CCDC3: variants seen among roughly 807,000 people sequenced by gnomAD.
CCDC3 encodes coiled-coil domain containing 3.
CCDC3 carries 24 observed loss-of-function variants against 21.4 expected under a neutral mutation model. That is an observed-to-expected ratio of 1.12 (90% confidence interval 0.81 to 1.58). The LOEUF is 1.58. Among genes scored for constraint, CCDC3 ranks in the 40% most tolerant of loss-of-function variants. CCDC3 has a pLI of 0.00. For missense variants in CCDC3, 425 were observed against 360.9 expected (o/e 1.18, Z -1.44); for synonymous variants, 186 against 166.0 (o/e 1.12, Z -0.93).
chr10:13,007,336 T>C (rs764720893), intron 5 of CCDC3, among the ~76,000 whole-genome samples: 5 of 152,182 alleles, frequency 3.3e-5, no homozygotes, highest in Admixed American at 6.5e-5. Context: ...TCAGCCAGCA[T>C]GGAATTCCTT....
intron 2 of CCDC3, among the ~76,000 whole-genome samples, chr10:12,957,907 G>A (rs766261206): frequency 8.5e-5 from 13 of 152,122 alleles, no homozygotes; most frequent in South Asian, 6.2e-4. Context: ...GTGCAGTGGC[G>A]TGATCTTGGC....
intron 2 of CCDC3, among the ~76,000 whole-genome samples, chr10:12,927,131 G>A (rs1331129260): frequency 6.6e-6 from 1 of 152,156 alleles, no homozygotes; most frequent in Non-Finnish European, 1.5e-5. Context: ...TTTTTAAAAT[G>A]GAAATTTCCG....
At chr10:13,067,983 G>A (rs903063442) in intron 4 of CCDC3, among the ~76,000 whole-genome samples, 5 of 152,082 alleles carry the variant, frequency 3.3e-5, no homozygotes, top group Non-Finnish European at 4.4e-5. Flanking sequence ...TCAGTAGACT[G>A]AATTATTTTT....
chr10:13,029,656 G>A (rs997742952), intron 5 of CCDC3, among the ~76,000 whole-genome samples: 28 of 152,234 alleles, frequency 1.8e-4, no homozygotes, highest in Admixed American at 6.5e-4. Context: ...ATGACCTGAC[G>A]GAGCTGAAAA....
intron 5 of CCDC3, among the ~76,000 whole-genome samples, chr10:13,040,321 T>C (rs1313493877): frequency 6.6e-6 from 1 of 152,198 alleles, no homozygotes; most frequent in African/African-American, 2.4e-5. Context: ...GTTAACACGT[T>C]TGCCAGCCCA....
In CCDC3 at chr10:12,953,617, G is replaced by A. The variant is rs183351786; in HGVS notation, c.549+44721C>T. Among the ~76,000 whole-genome samples the A allele has an allele frequency of 6.7e-4, 102 of 152,344 alleles. 1 individual carries two copies. Among genetic ancestry groups the A allele is most frequent in the South Asian group, 2.5e-3 (12 of 4,820 alleles). On this transcript the variant is annotated intron_variant, in intron 2 of 2. Coordinates refer to ENST00000378825, the MANE Select transcript of CCDC3 (RefSeq NM_031455.4). ...ACATGGGCAGAGTTTTCTCTGCTGT[G>A]AGTCTTACTGCTGCCTTGCTGGGGG...
intron 2 of CCDC3, among the ~76,000 whole-genome samples, chr10:12,953,499 CAAAAGGA>C (rs1835039931): frequency 6.6e-6 from 1 of 152,202 alleles, no homozygotes. Flanking sequence ...CGATTAGAAG[CAAAAGGA>C]AAACAGAAGA....
At chr10:12,925,307 C>T (rs17593082) in intron 2 of CCDC3, among the ~76,000 whole-genome samples, 8,547 of 152,188 alleles carry the variant, frequency 0.056, 256 homozygotes, top group Non-Finnish European at 0.072. Flanking sequence ...TACTCTTGGC[C>T]TCTTTGGCTT....
At chr10:13,060,599 G>T (rs1836744735) in intron 4 of CCDC3, among the ~76,000 whole-genome samples, 1 of 152,090 alleles carries the variant, frequency 6.6e-6, no homozygotes, top group Non-Finnish European at 1.5e-5. Context: ...CAAACTCCTG[G>T]GCTCAAGCAA....
chr10:12,966,538 G>A (rs1292495818), intron 2 of CCDC3, among the ~76,000 whole-genome samples: 1 of 152,130 alleles, frequency 6.6e-6, no homozygotes, highest in Non-Finnish European at 1.5e-5. Context: ...GAGCCAGCTG[G>A]CCACAGGGAG....
chr10:13,011,516 C>T (rs537790451), intron 5 of CCDC3, among the ~76,000 whole-genome samples: 63 of 152,184 alleles, frequency 4.1e-4, no homozygotes, highest in Non-Finnish European at 8.4e-4. Flanking sequence ...AATTACAAAA[C>T]GGCTGCTCAA....
intron 2 of CCDC3, among the ~76,000 whole-genome samples, chr10:12,949,053 T>C (rs1367732735): frequency 1.3e-5 from 2 of 152,136 alleles, no homozygotes; most frequent in South Asian, 4.1e-4. Context: ...CATAATGTCC[T>C]CAGTAGCTGG....
intron 1 of CCDC3, 93 bp downstream of exon 1, chr10:13,001,104 G>A (rs1445090193): frequency 1.2e-5 from 18 of 1,449,652 alleles, no homozygotes; most frequent in Non-Finnish European, 1.6e-5. Flanking sequence ...CCGACAGGCT[G>A]CCCGGGGAGT....
chr10:13,080,925 G>A (rs935630928), intron 3 of CCDC3, among the ~76,000 whole-genome samples: 1 of 152,248 alleles, frequency 6.6e-6, no homozygotes. Flanking sequence ...AGGCCGAAAC[G>A]CACAGGGGTG....
chr10:12,899,408 G>C (rs1313757714), intron 2 of CCDC3, among the ~76,000 whole-genome samples: 1 of 152,064 alleles, frequency 6.6e-6, no homozygotes, highest in Non-Finnish European at 1.5e-5. Context: ...AGACCAATCT[G>C]GCTCTGTCAA....
At chr10:12,989,336 C>G (rs1356694032) in intron 2 of CCDC3, among the ~76,000 whole-genome samples, 1 of 152,252 alleles carries the variant, frequency 6.6e-6, no homozygotes, top group Non-Finnish European at 1.5e-5. Context: ...CCACCACTGA[C>G]TTAGTCCAGA....
At chr10:13,038,674 G>T (rs1836410766) in intron 5 of CCDC3, among the ~76,000 whole-genome samples, 1 of 152,186 alleles carries the variant, frequency 6.6e-6, no homozygotes, top group Non-Finnish European at 1.5e-5. Flanking sequence ...TGCTGTCTTG[G>T]TATTTACAGA....
At chr10:13,070,652 A>G (rs1452592614) in intron 4 of CCDC3, among the ~76,000 whole-genome samples, 1 of 152,212 alleles carries the variant, frequency 6.6e-6, no homozygotes, top group Non-Finnish European at 1.5e-5. Context: ...ATACAAACCC[A>G]TGACTAGGCT....
rs527396572 is a variant in CCDC3, at chr10:13,058,731, C to T, written c.-269-8790G>A. The stretch of plus-strand genomic sequence containing the variant: ...TCGACAGAGACCTGCAGGCCTATTA[C>T]TTGCAGTTAAAGAAAAGTAAATATG... On this transcript the variant is annotated intron_variant, in intron 4 of 6. Transcript: ENST00000378839. The T allele has an allele frequency of 9.6e-5, 26 of 272,190 alleles. No homozygotes were observed. In the South Asian group the frequency reaches 2.2e-3, roughly 23 times the overall value. The allele number at this position is 272,190 out of a possible 1,614,324, so 16.9% of individuals were successfully genotyped here.
Sources: allele counts gnomAD v4.1 joint callset (sites outside exome capture counted in the v4.1 genomes callset), GRCh38; gene constraint gnomAD v4.1.1; transcripts MANE v1.5; gene names NCBI Gene and HGNC (gene_info 2026-07-23, HGNC 2026-07-21).